LARS1: variants seen among roughly 807,000 people sequenced by gnomAD.
LARS1 encodes leucine--tRNA ligase, cytoplasmic.
Under a neutral mutation model 162.8 loss-of-function variants are expected in LARS1, and 100 were observed. That is an observed-to-expected ratio of 0.61 (90% CI 0.52 to 0.73). The LOEUF is 0.73. LARS1 is among the 30% of genes least tolerant of loss of function. The pLI is 0.00. For missense variants in LARS1, 1,258 were observed against 1,408.9 expected (o/e 0.89, Z 1.71); for synonymous variants, 457 against 462.8 (o/e 0.99, Z 0.16).
intron 4 of LARS1, among the ~76,000 whole-genome samples, chr5:146,169,665 T>C (rs1754172485): frequency 6.6e-6 from 1 of 151,924 alleles, no homozygotes; most frequent in Non-Finnish European, 1.5e-5. Context: ...TCTCCTGACA[T>C]AGCCTCCGAA....
intron 21 of LARS1, among the ~76,000 whole-genome samples, chr5:146,136,062 G>A (rs1561806261): frequency 6.6e-6 from 1 of 152,202 alleles, no homozygotes; most frequent in Non-Finnish European, 1.5e-5. Flanking sequence ...TTGGAGTTAT[G>A]ATTTTAGGAA....
intron 15 of LARS1, among the ~76,000 whole-genome samples, chr5:146,146,601 C>T (rs926815167): frequency 7.9e-6 from 1 of 127,160 alleles, no homozygotes; most frequent in Non-Finnish European, 1.6e-5. Context: ...GAACTAGAGA[C>T]AAAGTTACAA....
In LARS1 at chr5:146,157,582, G is replaced by A; in HGVS notation, c.886C>T (p.Pro296Ser). Residue 296 changes from proline (P) to serine (S), a missense_variant, in exon 10 of 32, where the codon CCT becomes TCT. Pro to Ser is a moderately conservative substitution (Grantham distance 74). Coordinates refer to ENST00000394434, the MANE Select transcript of LARS1 (RefSeq NM_020117.11). ...TTTGTCTGCCCAAACATGGTCTCAG[G>A]TCTGAGAGTAGCAGCCACCAAGAAA... is the stretch of plus-strand genomic sequence containing the variant. ...NIFLVAATLR[P>S]ETMFGQTNCW... 6.2e-7 allele frequency: 1 copy of A among 1,613,932 alleles called. No homozygotes were observed. Among genetic ancestry groups the A allele is most frequent in the Non-Finnish European group, 8.5e-7 (1 of 1,180,022 alleles).
rs1752856527 is a variant in LARS1 at position 146,143,027 on chromosome 5, A to G, written c.1935T>C (p.Phe645=). 1.9e-6 allele frequency: 3 copies of G among 1,613,914 alleles called. No homozygotes were observed. The South Asian group carries it at 3.3e-5, about 18-fold the overall frequency. Residue 645 remains phenylalanine, a synonymous_variant, in exon 20 of 32, where the codon TTT becomes TTC. Transcript: ENST00000394434. ...WDYVFFKEAP[F]PKTQIAKEKL... is the part of the protein sequence containing the mutation. ...TTTCCTTTGCAATCTGAGTCTTAGGAAATGGAGCCTCCTTGAAGAAAACAT... is the reference window on the plus strand; with the variant it reads ...TTTCCTTTGCAATCTGAGTCTTAGGGAATGGAGCCTCCTTGAAGAAAACAT...
Position 146,144,608 on chromosome 5 carries a change from G to C in LARS1, c.1589+16C>G, listed in dbSNP as rs1326559185. On this transcript the variant is annotated intron_variant, in intron 16 of 31. Transcript: ENST00000394434. ...GCAAATTGACTAGGGGAATTTTCTTGCTATAAGAGACTAACCACTGGTCAC... is the reference window on the plus strand; with the variant it reads ...GCAAATTGACTAGGGGAATTTTCTTCCTATAAGAGACTAACCACTGGTCAC... 3 of 1,613,150 alleles carry C rather than the reference G, an allele frequency of 1.9e-6. No individual in the cohort carries two copies. The highest frequency in any genetic ancestry group is 1.7e-5 in the Admixed American group (1 of 59,970).
chr5:146,126,096 T>C (rs1752029561), intron 28 of LARS1, among the ~76,000 whole-genome samples: 1 of 152,016 alleles, frequency 6.6e-6, no homozygotes, highest in Admixed American at 6.6e-5. Flanking sequence ...ATACAAATGT[T>C]GAATCCTGGT....
At chr5:146,118,483 G>C (rs540328348) in intron 31 of LARS1, among the ~76,000 whole-genome samples, 2 of 152,196 alleles carry the variant, frequency 1.3e-5, no homozygotes, top group Admixed American at 6.5e-5. Flanking sequence ...ATAATATATG[G>C]TACATTTCAA....
Position 146,144,467 on chromosome 5 carries a change from C to T in LARS1, c.1655+5G>A, listed in dbSNP as rs1561812710. On this transcript the variant is annotated splice_donor_5th_base_variant and intron_variant, in intron 17 of 31. Transcript: ENST00000394434. ...TTCCTCCTTCATCACTTTCTCCCAT[C>T]TTACGTTTCCAGGTTCTTCAAGCAC... 6.2e-7 allele frequency: 1 copy of T among 1,611,914 alleles called. No individual in the cohort carries two copies.
chr5:146,144,166 C>G, intron 18 of LARS1, 101 bp downstream of exon 18: 1 of 842,720 alleles, frequency 1.2e-6, no homozygotes, highest in Non-Finnish European at 1.9e-6. Context: ...GCTTTCAATT[C>G]AGAAAACACT....
intron 27 of LARS1, 34 bp from the exon 28 acceptor site, chr5:146,126,579 A>C (rs765441265): frequency 2.1e-5 from 31 of 1,474,460 alleles, no homozygotes; most frequent in Non-Finnish European, 2.9e-5. Context: ...TAATGTAGAA[A>C]AAAAAGTCTC....
intron 7 of LARS1, among the ~76,000 whole-genome samples, 173 bp from the exon 8 acceptor site, chr5:146,159,643 T>G (rs1753689502): frequency 6.6e-6 from 1 of 152,150 alleles, no homozygotes; most frequent in Non-Finnish European, 1.5e-5. Context: ...CCTACTTATT[T>G]AATGAAAGCT....
chr5:146,122,498 T>G lies in LARS1; in HGVS notation c.3186A>C (p.Arg1062Ser). The G allele has an allele frequency of 6.3e-7, 1 of 1,581,544 alleles. No homozygotes were observed. The highest frequency in any genetic ancestry group is 1.1e-5 in the South Asian group (1 of 89,662). Residue 1062 changes from arginine (R) to serine (S), a missense_variant, in exon 30 of 32, where the codon AGA (arginine) becomes AGC (serine). Arg to Ser is a moderately radical substitution (Grantham distance 110). Transcript: ENST00000394434. ...TGAGATTCCTTCAACTTACTTCTAT[T>G]CTAAAAACATTAAGTGGTTTCCCAG... ...CCPGKPLNVF[R>S]IEPGVSVSLV...
At chr5:146,168,349 A>C (rs1754114010) in intron 4 of LARS1, 84 bp from the exon 5 acceptor site, 13 of 1,445,046 alleles carry the variant, frequency 9.0e-6, no homozygotes, top group African/African-American at 1.4e-5. Flanking sequence ...GCCAACTAAA[A>C]TTGACTCTGA....
chr5:146,178,460 A>G (rs1754694295), intron 1 of LARS1, among the ~76,000 whole-genome samples: 1 of 152,040 alleles, frequency 6.6e-6, no homozygotes. Flanking sequence ...CTAAAAATAC[A>G]AAAATTAGCT....
intron 6 of LARS1, among the ~76,000 whole-genome samples, chr5:146,161,923 C>T (rs1476161265): frequency 2.6e-5 from 4 of 152,166 alleles, no homozygotes; most frequent in African/African-American, 7.2e-5. Flanking sequence ...CCGTAAGAAG[C>T]GAATCCTCAT....
At chr5:146,181,853 T>TTTC (rs1754869061) in intron 1 of LARS1, among the ~76,000 whole-genome samples, 2 of 57,884 alleles carry the variant, frequency 3.5e-5, no homozygotes, top group African/African-American at 1.3e-4. Context: ...TTTTTCTTTT[T>TTTC]TTTTTTTTTT....
intron 15 of LARS1, 171 bp from the exon 16 acceptor site, chr5:146,144,880 T>C (rs1364329378): frequency 1.2e-5 from 7 of 598,762 alleles, no homozygotes; most frequent in South Asian, 2.1e-5. Flanking sequence ...TTTCCTTCTA[T>C]GTAACACCTG....
chr5:146,172,664 T>C (rs1476443630), intron 3 of LARS1, 23 bp downstream of exon 3: 5 of 1,419,868 alleles, frequency 3.5e-6, no homozygotes, highest in Non-Finnish European at 3.9e-6. Flanking sequence ...CTCCCCATTA[T>C]AGCAAACATA....
At chr5:146,137,861 C>A in intron 21 of LARS1, 1 of 234,870 alleles carries the variant, frequency 4.3e-6, no homozygotes, top group South Asian at 4.6e-5. Context: ...CATGGTGGCT[C>A]ACATCTGCAA....
Sources: gnomAD v4.1 joint callset for allele counts (sites outside exome capture counted in the v4.1 genomes callset) on GRCh38, gnomAD v4.1.1 for gene constraint, MANE v1.5 for transcripts, NCBI Gene and HGNC (gene_info 2026-07-23, HGNC 2026-07-21) for gene names.